The following PPFIBP2 variants were observed in gnomAD, a reference collection of about 807,000 sequenced individuals.
PPFIBP2 encodes the protein liprin-beta-2.
Under a neutral mutation model 118.3 loss-of-function variants are expected in PPFIBP2, and 118 were observed. The ratio of observed to expected loss-of-function variants is 1.00; its 90% CI spans 0.86 to 1.16. PPFIBP2 has a LOEUF of 1.16. PPFIBP2 is among the 50% of genes most tolerant of loss of function. The pLI is 0.00. For synonymous variants in PPFIBP2, 414 were observed against 397.4 expected, an observed-to-expected ratio of 1.04 and a Z score of -0.50; for missense variants, 1,195 against 1,073.1, an observed-to-expected ratio of 1.11 and a Z score of -1.59.
chr11:7,575,807 CG>C (rs1295895833), intron 3 of PPFIBP2, among the ~76,000 whole-genome samples: 3 of 152,360 alleles, frequency 2.0e-5, no homozygotes, highest in Admixed American at 2.0e-4. Context: ...TGCCATAGCA[CG>C]GGCAGGGAAC....
chr11:7,566,073 T>C (rs1854940041), intron 3 of PPFIBP2, among the ~76,000 whole-genome samples: 2 of 152,064 alleles, frequency 1.3e-5, no homozygotes, highest in Admixed American at 1.3e-4. Flanking sequence ...GAATTACATG[T>C]ACTGCTTATT....
At chr11:7,609,703 G>C (rs1035681609) in intron 5 of PPFIBP2, among the ~76,000 whole-genome samples, 1 of 152,176 alleles carries the variant, frequency 6.6e-6, no homozygotes, top group Non-Finnish European at 1.5e-5. Flanking sequence ...TTACATTCCA[G>C]AGTGGCCAGA....
At chr11:7,580,956 G>A (rs964527403) in intron 3 of PPFIBP2, among the ~76,000 whole-genome samples, 3 of 152,162 alleles carry the variant, frequency 2.0e-5, no homozygotes, top group African/African-American at 7.2e-5. Flanking sequence ...TCAGCTTTAT[G>A]ACCCTTCCCA....
chr11:7,641,364 C>T, intron 15 of PPFIBP2, 115 bp from the exon 16 acceptor site: 1 of 1,212,764 alleles, frequency 8.2e-7, no homozygotes, highest in Admixed American at 2.3e-5. Context: ...GCCCTGAAGG[C>T]AGAACTGGGC....
At chr11:7,538,042 G>C (rs1851386252) in intron 1 of PPFIBP2, among the ~76,000 whole-genome samples, 2 of 152,202 alleles carry the variant, frequency 1.3e-5, no homozygotes, top group Admixed American at 6.5e-5. Flanking sequence ...AGTCAGAGGA[G>C]GGTGAAGCGA....
At chr11:7,665,435 G>A in the PPFIBP2 span, 80 of 1,612,854 alleles carry the variant, frequency 5.0e-5, no homozygotes, top group Admixed American at 5.2e-4. Flanking sequence ...GTGAGCCGCC[G>A]TCTGGATTAG....
chr11:7,630,920 T>G lies in PPFIBP2; in HGVS notation c.965-5T>G, dbSNP rs751464238. On this transcript the variant is annotated splice_polypyrimidine_tract_variant and splice_region_variant and intron_variant, in intron 10 of 23. Coordinates refer to ENST00000299492, the MANE Select transcript of PPFIBP2 (RefSeq NM_003621.5). The stretch of plus-strand genomic sequence containing the variant: ...AATTCAGTCTTACTACCTTAATGCT[T>G]GCAGGGCCTTCGGAGAGAACTCTCT... The G allele has an allele frequency of 5.6e-6, 9 of 1,611,282 alleles. No individual in the cohort carries two copies. The highest frequency in any genetic ancestry group is 5.5e-5 in the South Asian group (5 of 91,014).
At chr11:7,545,050 A>T (rs1361369915) in intron 1 of PPFIBP2, among the ~76,000 whole-genome samples, 1 of 152,168 alleles carries the variant, frequency 6.6e-6, no homozygotes, top group Non-Finnish European at 1.5e-5. Context: ...GACCTGTGAT[A>T]CTATGATATA....
At chr11:7,564,817 GAGAA>G (rs1294886021) in intron 2 of PPFIBP2, among the ~76,000 whole-genome samples, 1 of 152,198 alleles carries the variant, frequency 6.6e-6, no homozygotes, top group Non-Finnish European at 1.5e-5. Flanking sequence ...GGGTCAAAGA[GAGAA>G]AGAGTGGAAC....
intron 8 of PPFIBP2, among the ~76,000 whole-genome samples, chr11:7,627,808 G>C (rs34457099): frequency 0.14 from 20,672 of 152,198 alleles, 1,832 homozygotes; most frequent in Middle Eastern, 0.21. Flanking sequence ...ATTAAGCCAA[G>C]TACCAACTCT....
chr11:7,651,689 G>C lies in PPFIBP2; in HGVS notation c.2281G>C (p.Ala761Pro), dbSNP rs1273485947. The change falls in exon 23 of 24, where the codon GCT becomes CCT. Residue 761 changes from alanine (A) to proline (P), a missense_variant. Ala to Pro is a conservative substitution (Grantham distance 27). Coordinates refer to ENST00000299492, the MANE Select transcript of PPFIBP2 (RefSeq NM_003621.5). ...GCCACGCTTCACTGGGGACACCCTG[G>C]CTATGCTTCTCAACATCCCCCCACA... ...LEPRFTGDTL[A>P]MLLNIPPQKT... 27 of 1,613,224 alleles carry C rather than the reference G, an allele frequency of 1.7e-5. No homozygotes were observed. Among genetic ancestry groups the C allele is most frequent in the Non-Finnish European group, 2.3e-5 (27 of 1,179,324 alleles).
chr11:7,595,008 A>G (rs1011216696), intron 4 of PPFIBP2, among the ~76,000 whole-genome samples: 1 of 152,160 alleles, frequency 6.6e-6, no homozygotes, highest in Non-Finnish European at 1.5e-5. Context: ...GAACGCTGGA[A>G]AAAAGTAAAG....
chr11:7,634,597 T>TG (rs748342577), intron 13 of PPFIBP2, 45 bp downstream of exon 13: 1 of 1,515,776 alleles, frequency 6.6e-7, no homozygotes, highest in Non-Finnish European at 9.2e-7. Context: ...GTTACTTTTT[T>TG]GGGCCTAGCA....
At chr11:7,626,897 G>T (rs1850089565) in intron 8 of PPFIBP2, among the ~76,000 whole-genome samples, 1 of 152,232 alleles carries the variant, frequency 6.6e-6, no homozygotes, top group Non-Finnish European at 1.5e-5. Flanking sequence ...AATGGCTTAG[G>T]CTGGAGAAGG....
chr11:7,665,273 G>T, the PPFIBP2 span: 4 of 1,070,310 alleles, frequency 3.7e-6, no homozygotes, highest in African/African-American at 3.2e-5. Flanking sequence ...AAGGTACATG[G>T]CAAGGCACTT....
At chr11:7,572,585 A>G (rs1460319107) in intron 3 of PPFIBP2, among the ~76,000 whole-genome samples, 1 of 152,214 alleles carries the variant, frequency 6.6e-6, no homozygotes, top group Non-Finnish European at 1.5e-5. Flanking sequence ...TTGCCAGGTT[A>G]GCATAACTTG....
chr11:7,653,000 A>C, intron 23 of PPFIBP2, 24 bp from the exon 24 acceptor site: 2 of 1,592,498 alleles, frequency 1.3e-6, no homozygotes, highest in Non-Finnish European at 1.7e-6. Context: ...GCCTTCTCAT[A>C]ATCTTGCATT....
Position 7,565,564 on chromosome 11 carries a change from G to C in PPFIBP2, c.76G>C (p.Gly26Arg). The C allele has an allele frequency of 6.2e-7, 1 of 1,614,194 alleles. No homozygotes were observed. The highest frequency in any genetic ancestry group is 1.1e-5 in the South Asian group (1 of 91,084). ...CTCTCTCATTGCAGGCACTAAAACA[G>C]GTGCAGATCTTAGTGATGGTACTTG... is the stretch of plus-strand genomic sequence containing the variant. ...MDGIIAGTKT[G>R]ADLSDGTCEP... Residue 26 changes from glycine (G) to arginine (R), a missense_variant, in exon 3 of 24, where the codon GGT becomes CGT. By Grantham distance (125) the Gly-to-Arg change is moderately radical. Coordinates refer to ENST00000299492, the MANE Select transcript of PPFIBP2 (RefSeq NM_003621.5).
intron 23 of PPFIBP2, among the ~76,000 whole-genome samples, chr11:7,652,552 G>C (rs963216975): frequency 2.6e-5 from 4 of 152,220 alleles, no homozygotes; most frequent in African/African-American, 9.7e-5. Context: ...GTATGTCTGG[G>C]GGAGTCAGGC....
Sources: gnomAD v4.1 joint callset for allele counts (sites outside exome capture counted in the v4.1 genomes callset) on GRCh38, gnomAD v4.1.1 for gene constraint, MANE v1.5 for transcripts, NCBI Gene and HGNC (gene_info 2026-07-23, HGNC 2026-07-21) for gene names.